Variants in MTRR observed in about 807,000 individuals in gnomAD.
MTRR encodes methionine synthase reductase.
In MTRR, 63 loss-of-function variants were observed where a neutral mutation model predicts 79.2. That is an observed-to-expected ratio of 0.80 (90% CI 0.65 to 0.98). The LOEUF is 0.98. Among genes scored for constraint, MTRR ranks in the 50% least tolerant of loss-of-function variants. The pLI is 0.00. For synonymous variants in MTRR, 355 were observed against 313.3 expected, an observed-to-expected ratio of 1.13 and a Z score of -1.41; for missense variants, 895 against 839.6, an observed-to-expected ratio of 1.07 and a Z score of -0.82.
chr5:7,853,608 C>T (rs1299542549), intron 1 of MTRR, among the ~76,000 whole-genome samples: 1 of 152,190 alleles, frequency 6.6e-6, no homozygotes, highest in East Asian at 1.9e-4. Flanking sequence ...GATGCACTAC[C>T]CAGGTCACTG....
chr5:7,899,892 ATCT>A lies in MTRR; in HGVS notation c.1953-20_1953-18del. The A allele has an allele frequency of 6.2e-7, 1 of 1,614,132 alleles. No individual in the cohort carries two copies. Among genetic ancestry groups the A allele is most frequent in the Non-Finnish European group, 8.5e-7 (1 of 1,179,966 alleles). On this transcript the variant is annotated intron_variant, in intron 14 of 14. Coordinates refer to ENST00000440940, the MANE Select transcript of MTRR (RefSeq NM_002454.3). ...TAAAAATGCCTGTTTGTAAGCAGTC[ATCT>A]TATTATTTTCTTTTCTAGAGATGCA...
intron 1 of MTRR, chr5:7,870,474 G>T (rs1747765596): frequency 7.8e-6 from 3 of 387,072 alleles, no homozygotes; most frequent in South Asian, 6.5e-5. Flanking sequence ...CGGATCATTT[G>T]GGGAGCTTGT....
intron 4 of MTRR, among the ~76,000 whole-genome samples, chr5:7,875,614 G>A (rs1333193163): frequency 1.3e-5 from 2 of 152,184 alleles, no homozygotes; most frequent in African/African-American, 2.4e-5. Flanking sequence ...GTTAGAAAAG[G>A]TGCTCCAGTA....
Position 7,889,144 on chromosome 5 carries a change from G to T in MTRR, c.1196G>T (p.Arg399Leu), listed in dbSNP as rs374979929. 46 of 1,613,996 alleles carry T rather than the reference G, an allele frequency of 2.9e-5. No individual in the cohort carries two copies. Among genetic ancestry groups the T allele is most frequent in the Non-Finnish European group, 3.7e-5 (44 of 1,180,024 alleles). Residue 399 changes from arginine to leucine, a missense_variant, in exon 9 of 15, where the codon CGC (arginine) becomes CTC (leucine). Coordinates refer to ENST00000440940, the MANE Select transcript of MTRR (RefSeq NM_002454.3). ...TATACCAGTGACAGTGCTGAAAAGC[G>T]CAGGCTACAGGAGCTGTGCAGTAAA... is the stretch of plus-strand genomic sequence containing the variant. ...VDYTSDSAEK[R>L]RLQELCSKQG...
At chr5:7,854,539 T>C (rs1221645071) in intron 1 of MTRR, among the ~76,000 whole-genome samples, 1 of 151,884 alleles carries the variant, frequency 6.6e-6, no homozygotes, top group Non-Finnish European at 1.5e-5. Flanking sequence ...TGGCAGGAGA[T>C]GAAAGGCACT....
intron 7 of MTRR, 45 bp downstream of exon 7, chr5:7,885,899 G>T (rs1431060810): frequency 6.2e-7 from 1 of 1,612,354 alleles, no homozygotes; most frequent in Admixed American, 1.7e-5. Context: ...TGGGCCAGTG[G>T]ACTGGAGCTG....
At chr5:7,894,090 ACTC>A (rs1251345886) in intron 11 of MTRR, among the ~76,000 whole-genome samples, 1 of 151,808 alleles carries the variant, frequency 6.6e-6, no homozygotes, top group Non-Finnish European at 1.5e-5. Flanking sequence ...CCTTTCACCT[ACTC>A]CTCCTTTCCT....
rs758515520 is a variant in MTRR, at chr5:7,892,970, G to GA, written c.1557+63dup. The stretch of plus-strand genomic sequence containing the variant: ...TTAACTCATACTCTTTGTTTCATTA[G>GA]AAAAAACAGTGTTGTCTCACCCACA... On this transcript the variant is annotated intron_variant, in intron 11 of 14. Transcript: ENST00000440940. The GA allele has an allele frequency of 8.8e-5, 136 of 1,539,510 alleles. No homozygotes were observed. The Middle Eastern group carries it at 1.0e-3, about 11-fold the overall frequency.
intron 1 of MTRR, chr5:7,861,165 C>A: frequency 3.7e-6 from 6 of 1,605,336 alleles, no homozygotes; most frequent in Non-Finnish European, 3.4e-6. Flanking sequence ...AACTTGATAA[C>A]CGAGTAACTG....
intron 3 of MTRR, 79 bp downstream of exon 3, chr5:7,873,605 A>T (rs1748384222): frequency 6.6e-7 from 1 of 1,513,322 alleles, no homozygotes; most frequent in Admixed American, 1.7e-5. Context: ...CAGAACTATG[A>T]AGTGTGATCA....
intron 14 of MTRR, among the ~76,000 whole-genome samples, chr5:7,898,264 G>A (rs1020996192): frequency 2.0e-5 from 3 of 152,084 alleles, no homozygotes; most frequent in Admixed American, 2.0e-4. Context: ...CAGTGTCATC[G>A]GTGGTCAAAT....
chr5:7,871,313 A>G (rs1016729753), intron 2 of MTRR, among the ~76,000 whole-genome samples: 7 of 152,164 alleles, frequency 4.6e-5, no homozygotes, highest in Non-Finnish European at 7.4e-5. Context: ...TGCGTGTTAG[A>G]GTTCCTCCTG....
At chr5:7,882,877 A>G (rs1372259914) in intron 5 of MTRR, among the ~76,000 whole-genome samples, 1 of 152,220 alleles carries the variant, frequency 6.6e-6, no homozygotes. Context: ...GTAGTTTATT[A>G]GGAAAACTAC....
At chr5:7,895,707 C>T in intron 11 of MTRR, 27 bp from the exon 12 acceptor site, 1 of 1,613,500 alleles carries the variant, frequency 6.2e-7, no homozygotes, top group Non-Finnish European at 8.5e-7. Context: ...TTCTTTCATA[C>T]TTACCACATT....
chr5:7,851,026 C>T (rs1012343690), upstream of MTRR: 9 of 1,250,824 alleles, frequency 7.2e-6, no homozygotes, highest in East Asian at 3.1e-5. Flanking sequence ...CTCCATGCCG[C>T]CACCGTCCAG....
intron 12 of MTRR, among the ~76,000 whole-genome samples, chr5:7,896,128 G>T (rs748718505): frequency 6.6e-6 from 1 of 152,120 alleles, no homozygotes; most frequent in African/African-American, 2.4e-5. Flanking sequence ...CAAATATTGG[G>T]CATACCTTCG....
At chr5:7,896,741 G>A (rs1008360582) in intron 12 of MTRR, 123 bp from the exon 13 acceptor site, 3 of 804,632 alleles carry the variant, frequency 3.7e-6, no homozygotes, top group African/African-American at 3.4e-5. Flanking sequence ...ATGACTGAAT[G>A]TTCAAATGCA....
In MTRR at chr5:7,885,854, G is replaced by C. The variant is rs910365775; in HGVS notation, c.1057G>C (p.Gly353Arg). Residue 353 changes from glycine to arginine, a missense_variant and splice_region_variant, in exon 7 of 15, where the codon GGA (glycine) becomes CGA (arginine). Gly to Arg is a moderately radical substitution (Grantham distance 125). Coordinates refer to ENST00000440940, the MANE Select transcript of MTRR (RefSeq NM_002454.3). ...LKIKADTKKK[G>R]ATLPQHIPAG... is the part of the protein sequence containing the mutation. ...AATAAAGGCAGACACAAAGAAGAAA[G>C]GTAACAGCCCTGATGCTGTGACGTT... The C allele has an allele frequency of 6.2e-7, 1 of 1,614,068 alleles. No homozygotes were observed. Among genetic ancestry groups the C allele is most frequent in the Non-Finnish European group, 8.5e-7 (1 of 1,179,982 alleles).
chr5:7,862,779 A>G, intron 2 of MTRR: 2 of 1,514,252 alleles, frequency 1.3e-6, no homozygotes, highest in Non-Finnish European at 1.8e-6. Context: ...AAAATCGAAC[A>G]GGATGCTTAG....
Sources: gnomAD v4.1 joint callset for allele counts (sites outside exome capture counted in the v4.1 genomes callset) on GRCh38, gnomAD v4.1.1 for gene constraint, MANE v1.5 for transcripts, NCBI Gene and HGNC (gene_info 2026-07-23, HGNC 2026-07-21) for gene names.